The following COMMD3 variants were observed in gnomAD, a reference collection of about 807,000 sequenced individuals.
COMMD3 encodes COMM domain containing 3.
A neutral mutation model predicts 31.2 loss-of-function variants in COMMD3; 31 were observed. The ratio of observed to expected loss-of-function variants is 0.99; its 90% CI spans 0.75 to 1.34. COMMD3 has a LOEUF of 1.34. COMMD3 is among the 40% of genes most tolerant of loss of function. The pLI, the probability that COMMD3 is intolerant of heterozygous loss-of-function variation, is 0.00. For missense variants in COMMD3, 274 were observed against 236.9 expected (o/e 1.16, Z -1.03); for synonymous variants, 108 against 87.3 (o/e 1.24, Z -1.32).
In COMMD3 at chr10:22,319,031, G is replaced by A. The variant is rs113136059; in HGVS notation, c.528+13G>A. 1.1e-5 allele frequency: 17 copies of A among 1,584,382 alleles called. No individual in the cohort carries two copies. The highest frequency in any genetic ancestry group is 1.3e-5 in the Non-Finnish European group (15 of 1,169,456). On this transcript the variant is annotated intron_variant, in intron 7 of 7. Coordinates refer to ENST00000376836, the MANE Select transcript of COMMD3 (RefSeq NM_012071.4). Reference sequence around the variant, plus strand: ...GGAACAATTACAGGTACAGTATTAGGATCTATAAATATTCCTGTCTTTTTA... The same window carrying A: ...GGAACAATTACAGGTACAGTATTAGAATCTATAAATATTCCTGTCTTTTTA...
intron 7 of COMMD3, 91 bp downstream of exon 7, chr10:22,319,109 T>C (rs1258157223): frequency 4.4e-6 from 6 of 1,367,030 alleles, no homozygotes; most frequent in South Asian, 1.6e-5. Flanking sequence ...AAAATTAATC[T>C]AACCATTTGT....
intron 1 of COMMD3, chr10:22,316,959 G>C (rs1835862486): frequency 6.4e-6 from 1 of 157,144 alleles, no homozygotes; most frequent in African/African-American, 2.4e-5. Context: ...GGCTAGCAAA[G>C]GTTTAAGGGT....
chr10:22,319,719 C>G, intron 7 of COMMD3: 1 of 493,616 alleles, frequency 2.0e-6, no homozygotes, highest in Non-Finnish European at 3.6e-6. Context: ...GGTTAGAAAT[C>G]ATGTTTCAGT....
At position 22,318,972 on chromosome 10, in the gene COMMD3, C is replaced by T. The variant is rs148388360; in HGVS notation, c.482C>T (p.Pro161Leu). ...TTCCTGCCCTAGAACACTGATTCCC[C>T]ATCCTATCCAGAGATTAGTTTTAGT... The part of the protein sequence containing the change: ...VTLSVQNTDS[P>L]SYPEISFSCS... Residue 161 changes from proline (P) to leucine (L), a missense_variant, in exon 7 of 8, where the codon CCA (proline) becomes CTA (leucine). By Grantham distance (98) the Pro-to-Leu change is moderately conservative. Transcript: ENST00000376836. 2.8e-5 allele frequency: 45 copies of T among 1,612,916 alleles called. No individual in the cohort carries two copies. In the African/African-American group the frequency reaches 5.5e-4, roughly 20 times the overall value.
Position 22,316,628 on chromosome 10 carries a change from G to C in COMMD3, c.139+72G>C. 2.8e-6 allele frequency: 4 copies of C among 1,405,970 alleles called. No individual in the cohort carries two copies. The South Asian group carries it at 5.7e-5, about 20-fold the overall frequency. 87.1% of individuals were successfully genotyped at this position (1,405,970 alleles called of 1,614,324 possible). ...GGCGCTCGGAGAAGAGGAGCCGGCGGAGCGAGAAGGGGAAAGCCCCGGGAA... is the reference window on the plus strand; with the variant it reads ...GGCGCTCGGAGAAGAGGAGCCGGCGCAGCGAGAAGGGGAAAGCCCCGGGAA... On this transcript the variant is annotated intron_variant, in intron 1 of 7. Transcript: ENST00000376836.
At chr10:22,319,900 T>G (rs12412271) in intron 7 of COMMD3, 39 bp from the exon 8 acceptor site, 2 of 1,611,270 alleles carry the variant, frequency 1.2e-6, no homozygotes, top group South Asian at 2.2e-5. Flanking sequence ...CTTTCCATGT[T>G]TTATCCTAAA....
rs140293380 is a variant in COMMD3 at position 22,316,509 on chromosome 10, C to A, written c.92C>A (p.Ala31Glu). Reference protein sequence around the residue: ...DSNAFTLLLRAAFQSLLDAQA... With the variant: ...DSNAFTLLLREAFQSLLDAQA... ...AACGCCTTCACGCTTCTCCTCCGGG[C>A]GGCATTCCAGAGTCTGCTGGACGCC... Residue 31 changes from alanine (A) to glutamate (E), a missense_variant, in exon 1 of 8, where the codon GCG becomes GAG. Ala to Glu is a moderately radical substitution (Grantham distance 107). Coordinates refer to ENST00000376836, the MANE Select transcript of COMMD3 (RefSeq NM_012071.4). 2,313 of 1,550,236 alleles carry A rather than the reference C, an allele frequency of 1.5e-3. 4 individuals carry two copies. The highest frequency in any genetic ancestry group is 1.9e-3 in the Non-Finnish European group (2,182 of 1,146,506).
At position 22,319,388 on chromosome 10, in the gene COMMD3, A is replaced by G. The variant is rs188525279; in HGVS notation, c.528+370A>G. The G allele has an allele frequency of 4.5e-4, 83 of 185,768 alleles. No individual in the cohort carries two copies. The East Asian group carries it at 0.01, about 23-fold the overall frequency. The allele number at this position is 185,768 out of a possible 1,614,324, so 11.5% of individuals were successfully genotyped here. ...AATTGAATTAAACTGTCAAAATTGG[A>G]TTTTGAAACTTTTTAAATGACTTTA... is the stretch of plus-strand genomic sequence containing the variant. On this transcript the variant is annotated intron_variant, in intron 7 of 7. Coordinates refer to ENST00000376836, the MANE Select transcript of COMMD3 (RefSeq NM_012071.4).
Position 22,316,506 on chromosome 10 carries a change from G to C in COMMD3, c.89G>C (p.Arg30Pro). Residue 30 changes from arginine (R) to proline (P), a missense_variant, in exon 1 of 8, where the codon CGG becomes CCG. Transcript: ENST00000376836. ...FDSNAFTLLL[R>P]AAFQSLLDAQ... ...TCCAACGCCTTCACGCTTCTCCTCCGGGCGGCATTCCAGAGTCTGCTGGAC... is the reference window on the plus strand; with the variant it reads ...TCCAACGCCTTCACGCTTCTCCTCCCGGCGGCATTCCAGAGTCTGCTGGAC... 6.5e-7 allele frequency: 1 copy of C among 1,550,232 alleles called. No homozygotes were observed. Among genetic ancestry groups the C allele is most frequent in the Non-Finnish European group, 8.7e-7 (1 of 1,146,520 alleles).
intron 1 of COMMD3, 129 bp downstream of exon 1, chr10:22,316,685 G>C (rs1835856674): frequency 7.4e-7 from 1 of 1,350,442 alleles, no homozygotes; most frequent in South Asian, 1.7e-5. Context: ...CCTTCGCTCC[G>C]GACGGAGTGT....
Position 22,318,980 on chromosome 10 carries a change from C to T in COMMD3, c.490C>T (p.Pro164Ser). The T allele has an allele frequency of 6.2e-7, 1 of 1,612,538 alleles. No homozygotes were observed. The highest frequency in any genetic ancestry group is 1.7e-5 in the Admixed American group (1 of 59,668). Residue 164 changes from proline to serine, a missense_variant, in exon 7 of 8, where the codon CCA (proline) becomes TCA (serine). By Grantham distance (74) the Pro-to-Ser change is moderately conservative. Coordinates refer to ENST00000376836, the MANE Select transcript of COMMD3 (RefSeq NM_012071.4). ...SVQNTDSPSYPEISFSCSMEQ... is the reference protein window; with the variant it reads ...SVQNTDSPSYSEISFSCSMEQ... ...CTAGAACACTGATTCCCCATCCTAT[C>T]CAGAGATTAGTTTTAGTTGCAGCAT...
At chr10:22,317,732 G>T in intron 1 of COMMD3, 152 bp from the exon 2 acceptor site, 1 of 624,930 alleles carries the variant, frequency 1.6e-6, no homozygotes, top group Non-Finnish European at 2.7e-6. Flanking sequence ...TGATCTTGTT[G>T]CTCATCTCAT....
Position 22,320,022 on chromosome 10 carries a change from C to G in COMMD3, c.*24C>G, listed in dbSNP as rs754080065. ...AACTTGGGGAAGTTAACGATCCGCC[C>G]GAGTGCAGAGGAAAACCAGAAACGC... On this transcript the variant is annotated 3_prime_UTR_variant, in exon 8 of 8. Transcript: ENST00000376836. 3.1e-6 allele frequency: 5 copies of G among 1,614,050 alleles called. No homozygotes were observed. In the African/African-American group the frequency reaches 4.0e-5, roughly 13 times the overall value.
rs1835937647 is a variant in COMMD3, at chr10:22,320,092, T to C, written c.*94T>C. The C allele has an allele frequency of 1.9e-6, 3 of 1,607,698 alleles. No homozygotes were observed. Among genetic ancestry groups the C allele is most frequent in the South Asian group, 2.2e-5 (2 of 90,142 alleles). The stretch of plus-strand genomic sequence containing the variant: ...CCGTTTGTGCGAGCTGGATGTCCTT[T>C]TCAGTAGAAAAGAATTTTCCTTTTG... On this transcript the variant is annotated 3_prime_UTR_variant, in exon 8 of 8. Coordinates refer to ENST00000376836, the MANE Select transcript of COMMD3 (RefSeq NM_012071.4).
chr10:22,318,810 A>G lies in COMMD3; in HGVS notation c.416A>G (p.Asn139Ser), dbSNP rs1429248205. 5 of 1,613,906 alleles carry G rather than the reference A, an allele frequency of 3.1e-6. No individual in the cohort carries two copies. The South Asian group carries it at 3.3e-5, about 11-fold the overall frequency. ...GTGTTTGTTGTGTTATTTTAGACCA[A>G]TCAACTTCATAGGATGTACAGACCT... ...SWRLEYQIKTNQLHRMYRPAY... is the reference protein window; with the variant it reads ...SWRLEYQIKTSQLHRMYRPAY... Residue 139 changes from asparagine to serine, a missense_variant, in exon 6 of 8, where the codon AAT (asparagine) becomes AGT (serine). By Grantham distance (46) the Asn-to-Ser change is conservative. Transcript: ENST00000376836.
intron 7 of COMMD3, 22 bp from the exon 8 acceptor site, chr10:22,319,917 G>A (rs756316836): frequency 1.9e-6 from 3 of 1,613,652 alleles, no homozygotes; most frequent in Non-Finnish European, 2.5e-6. Context: ...TAAAAACGTG[G>A]TATTGTATAC....
chr10:22,319,907 TA>T (rs1564346873), intron 7 of COMMD3, 31 bp from the exon 8 acceptor site: 1 of 1,612,236 alleles, frequency 6.2e-7, no homozygotes, highest in Non-Finnish European at 8.5e-7. Context: ...TGTTTTATCC[TA>T]AAAACGTGGT....
intron 1 of COMMD3, 167 bp from the exon 2 acceptor site, chr10:22,317,717 T>A: frequency 1.7e-6 from 1 of 586,680 alleles, no homozygotes; most frequent in Non-Finnish European, 2.9e-6. Flanking sequence ...TTATTGTTTT[T>A]CACTTGATCT....
chr10:22,316,869 T>C (rs1170182465), intron 1 of COMMD3: 3 of 203,172 alleles, frequency 1.5e-5, no homozygotes, highest in Non-Finnish European at 2.9e-5. Flanking sequence ...CTAAGGTGTT[T>C]AGCCTTGTCT....
Sources: allele counts gnomAD v4.1 joint callset, GRCh38; gene constraint gnomAD v4.1.1; transcripts MANE v1.5; gene names NCBI Gene and HGNC (gene_info 2026-07-23, HGNC 2026-07-21).